STK39: variants seen among roughly 807,000 people sequenced by gnomAD.
STK39 encodes the protein serine/threonine kinase 39, also known as STE20/SPS1-related proline-alanine-rich protein kinase.
STK39 carries 20 observed loss-of-function variants against 77.8 expected under a neutral mutation model. That is an observed-to-expected ratio of 0.26 (90% confidence interval 0.18 to 0.37). STK39 has a LOEUF of 0.37. Among genes scored for constraint, STK39 ranks in the 10% least tolerant of loss-of-function variants. STK39 has a pLI of 1.00. For synonymous variants in STK39, 246 were observed against 234.1 expected, an observed-to-expected ratio of 1.05 and a Z score of -0.47; for missense variants, 479 against 656.5, an observed-to-expected ratio of 0.73 and a Z score of 2.95.
intron 17 of STK39, among the ~76,000 whole-genome samples, chr2:167,959,839 GC>G (rs1691896400): frequency 6.6e-6 from 1 of 152,138 alleles, no homozygotes; most frequent in Admixed American, 6.5e-5. Flanking sequence ...CTGCATGTGT[GC>G]CGACATTACC....
At chr2:168,019,030 C>T (rs912483924) in intron 14 of STK39, among the ~76,000 whole-genome samples, 1 of 152,038 alleles carries the variant, frequency 6.6e-6, no homozygotes, top group Non-Finnish European at 1.5e-5. Context: ...GATATGAGAG[C>T]CTTGGACCTT....
chr2:168,207,009 A>T lies in STK39; in HGVS notation c.209-24919T>A, dbSNP rs146642363. On this transcript the variant is annotated intron_variant, in intron 1 of 17. Transcript: ENST00000355999. ...GTACAAGACTCCAATTTCAGGTGAG[A>T]TTCATTTATACCCCTCTTTTGCCTT... Among the ~76,000 whole-genome samples the T allele has an allele frequency of 1.8e-3, 269 of 152,330 alleles. 1 individual carries two copies. Among genetic ancestry groups the T allele is most frequent in the African/African-American group, 6.0e-3 (251 of 41,580 alleles).
chr2:168,033,834 T>C (rs1684886351), intron 14 of STK39, among the ~76,000 whole-genome samples: 2 of 152,178 alleles, frequency 1.3e-5, no homozygotes, highest in Non-Finnish European at 2.9e-5. Flanking sequence ...GGCAATTTAC[T>C]TAACTTTCCA....
At chr2:168,114,391 G>A (rs1343988597) in intron 10 of STK39, among the ~76,000 whole-genome samples, 2 of 152,092 alleles carry the variant, frequency 1.3e-5, no homozygotes, top group Non-Finnish European at 1.5e-5. Flanking sequence ...GTTCCCTGAC[G>A]CACAATGAGG....
At chr2:168,155,939 C>G (rs991335083) in intron 5 of STK39, among the ~76,000 whole-genome samples, 1 of 152,204 alleles carries the variant, frequency 6.6e-6, no homozygotes, top group Non-Finnish European at 1.5e-5. Flanking sequence ...GCAGAGTGCA[C>G]TGACCCAAAG....
At chr2:168,087,234 C>T (rs916915467) in intron 10 of STK39, among the ~76,000 whole-genome samples, 13 of 152,004 alleles carry the variant, frequency 8.6e-5, no homozygotes, top group Non-Finnish European at 4.4e-5. Flanking sequence ...AGAGGGGTGG[C>T]GAAGAGAAAG....
intron 1 of STK39, among the ~76,000 whole-genome samples, chr2:168,208,579 T>C (rs193089047): frequency 6.6e-6 from 1 of 152,376 alleles, no homozygotes; most frequent in East Asian, 1.9e-4. Context: ...TTTCACATTC[T>C]CATCTCTAGT....
At chr2:167,988,697 T>C (rs1350622972) in intron 16 of STK39, among the ~76,000 whole-genome samples, 1 of 152,204 alleles carries the variant, frequency 6.6e-6, no homozygotes, top group East Asian at 1.9e-4. Flanking sequence ...GTGATAGAGC[T>C]GATTTAGTTT....
At chr2:168,023,623 T>TCTTA (rs1465430403) in intron 14 of STK39, among the ~76,000 whole-genome samples, 1 of 152,118 alleles carries the variant, frequency 6.6e-6, no homozygotes. Flanking sequence ...CATTACCGTC[T>TCTTA]CTTAGCCCAT....
intron 16 of STK39, among the ~76,000 whole-genome samples, chr2:167,985,156 C>T (rs1208704468): frequency 6.6e-6 from 1 of 152,180 alleles, no homozygotes; most frequent in Non-Finnish European, 1.5e-5. Flanking sequence ...CTGTATCTCA[C>T]TATATTAGTT....
chr2:168,094,701 G>A (rs1370821045), intron 10 of STK39, among the ~76,000 whole-genome samples: 1 of 151,932 alleles, frequency 6.6e-6, no homozygotes, highest in Non-Finnish European at 1.5e-5. Flanking sequence ...TCCTGTGACT[G>A]TTCCCCCAGG....
intron 16 of STK39, among the ~76,000 whole-genome samples, chr2:167,976,085 A>G (rs1683269402): frequency 6.6e-6 from 1 of 152,206 alleles, no homozygotes; most frequent in Non-Finnish European, 1.5e-5. Flanking sequence ...TGGCTCTCCA[A>G]ATTTTTCCTC....
intron 15 of STK39, among the ~76,000 whole-genome samples, 172 bp from the exon 16 acceptor site, chr2:168,012,874 G>A (rs552485568): frequency 9.2e-5 from 14 of 152,304 alleles, no homozygotes; most frequent in South Asian, 2.1e-4. Context: ...ATTTTGCCAC[G>A]TGCCATTTGC....
chr2:168,224,674 T>TA (rs1308558049), intron 1 of STK39, among the ~76,000 whole-genome samples: 1 of 152,236 alleles, frequency 6.6e-6, no homozygotes, highest in Non-Finnish European at 1.5e-5. Context: ...GAGCACTGCA[T>TA]AGTTTTTAAT....
intron 16 of STK39, among the ~76,000 whole-genome samples, chr2:167,984,172 T>G (rs1320899694): frequency 2.6e-5 from 4 of 152,224 alleles, no homozygotes; most frequent in Non-Finnish European, 4.4e-5. Flanking sequence ...AAACTAGTGT[T>G]CCTATTAGAT....
intron 14 of STK39, among the ~76,000 whole-genome samples, chr2:168,036,414 T>G (rs542319185): frequency 1.4e-5 from 2 of 140,640 alleles, no homozygotes; most frequent in Non-Finnish European, 3.0e-5. Flanking sequence ...CATTACTGAC[T>G]GCTGCCTGGC....
At chr2:167,986,155 T>C (rs991442536) in intron 16 of STK39, among the ~76,000 whole-genome samples, 5 of 152,194 alleles carry the variant, frequency 3.3e-5, no homozygotes, top group African/African-American at 1.2e-4. Flanking sequence ...ATCTTAAACA[T>C]ACACTTCAGG....
At chr2:168,129,628 CA>C in intron 9 of STK39, 22 bp from the exon 10 acceptor site, 3 of 1,614,008 alleles carry the variant, frequency 1.9e-6, no homozygotes, top group Middle Eastern at 3.3e-4. Context: ...ATATTCCCAA[CA>C]GTTTAACATC....
intron 10 of STK39, among the ~76,000 whole-genome samples, chr2:168,083,472 C>T (rs1259410295): frequency 6.6e-6 from 1 of 152,154 alleles, no homozygotes; most frequent in Non-Finnish European, 1.5e-5. Context: ...AAAACAAAAT[C>T]TTACACCTTG....
Sources: gnomAD v4.1 joint callset for allele counts (sites outside exome capture counted in the v4.1 genomes callset) on GRCh38, gnomAD v4.1.1 for gene constraint, MANE v1.5 for transcripts, NCBI Gene and HGNC (gene_info 2026-07-23, HGNC 2026-07-21) for gene names.